Variants in CAAP1 observed in about 807,000 individuals in gnomAD.
CAAP1 encodes the protein conserved anti-apoptotic protein.
CAAP1 carries 20 observed loss-of-function variants against 34.0 expected under a neutral mutation model. The ratio of observed to expected loss-of-function variants is 0.59; its 90% CI spans 0.41 to 0.86. The LOEUF (loss-of-function observed/expected upper bound fraction) is 0.86. CAAP1 is among the 40% of genes least tolerant of loss of function. The pLI is 0.00. For synonymous variants in CAAP1, 213 were observed against 166.7 expected (o/e 1.28, Z -2.14); for missense variants, 538 against 450.5 (o/e 1.19, Z -1.76).
chr9:26,842,173 G>A lies in CAAP1; in HGVS notation c.*128C>T. The A allele has an allele frequency of 3.0e-6, 2 of 661,814 alleles. No homozygotes were observed. Among genetic ancestry groups the A allele is most frequent in the Non-Finnish European group, 2.5e-6 (1 of 406,912 alleles). The allele number at this position is 661,814 out of a possible 1,614,324, so 41.0% of individuals were successfully genotyped here. A position where few individuals can be genotyped will look rare whatever the true frequency, so the allele number is the denominator to read the frequency against. ...AAAGAAACAGCCACAGGTAATTTAGGGCTAAAATGAGTCCTAATAAGGGTT... is the reference window on the plus strand; with the variant it reads ...AAAGAAACAGCCACAGGTAATTTAGAGCTAAAATGAGTCCTAATAAGGGTT... On this transcript the variant is annotated 3_prime_UTR_variant, in exon 6 of 6. Transcript: ENST00000333916.
intron 1 of CAAP1, among the ~76,000 whole-genome samples, chr9:26,888,344 T>C (rs771836258): frequency 6.6e-6 from 1 of 152,204 alleles, no homozygotes; most frequent in African/African-American, 2.4e-5. Flanking sequence ...TAACCTATTC[T>C]CCTTCCTTCA....
chr9:26,849,021 T>C (rs902949566), intron 5 of CAAP1, among the ~76,000 whole-genome samples: 14 of 152,220 alleles, frequency 9.2e-5, no homozygotes, highest in African/African-American at 3.4e-4. Flanking sequence ...ATTCGTTTAT[T>C]TAAAAAATCT....
At chr9:26,850,478 C>T (rs534736019) in intron 5 of CAAP1, among the ~76,000 whole-genome samples, 26 of 152,148 alleles carry the variant, frequency 1.7e-4, no homozygotes, top group African/African-American at 6.0e-4. Flanking sequence ...CCCATAATTC[C>T]CCAATACCAA....
chr9:26,844,540 G>T (rs1408317906), intron 5 of CAAP1, among the ~76,000 whole-genome samples: 3 of 152,156 alleles, frequency 2.0e-5, no homozygotes, highest in African/African-American at 7.2e-5. Context: ...CAGACTAGGG[G>T]TTGTTGCGAG....
intron 4 of CAAP1, among the ~76,000 whole-genome samples, chr9:26,861,868 C>T (rs1270934773): frequency 6.6e-6 from 1 of 152,104 alleles, no homozygotes; most frequent in South Asian, 2.1e-4. Flanking sequence ...AGGAAATCTT[C>T]CTACTCAGAA....
At chr9:26,884,462 T>C (rs939357888) in intron 4 of CAAP1, among the ~76,000 whole-genome samples, 3 of 152,198 alleles carry the variant, frequency 2.0e-5, no homozygotes, top group Admixed American at 2.0e-4. Flanking sequence ...TGTTCTATGC[T>C]GTTTAATGTA....
chr9:26,847,198 A>ATATATTTTTTTT (rs1554649570), intron 5 of CAAP1, among the ~76,000 whole-genome samples: 1 of 34,708 alleles, frequency 2.9e-5, no homozygotes, highest in Admixed American at 5.5e-4. Flanking sequence ...AAAAAGCAAT[A>ATATATTTTTTTT]TTTTTTTTTT....
intron 1 of CAAP1, among the ~76,000 whole-genome samples, chr9:26,889,305 C>A (rs1437731419): frequency 6.6e-6 from 1 of 152,088 alleles, no homozygotes; most frequent in Non-Finnish European, 1.5e-5. Context: ...GTAATCCCAA[C>A]TACTCGGGAG....
At chr9:26,882,606 A>G (rs2131336995) in intron 4 of CAAP1, among the ~76,000 whole-genome samples, 1 of 152,266 alleles carries the variant, frequency 6.6e-6, no homozygotes. Context: ...GTGGGGTTGA[A>G]GCCTCCACAC....
At chr9:26,854,901 T>C (rs1007457856) in intron 5 of CAAP1, among the ~76,000 whole-genome samples, 1 of 152,168 alleles carries the variant, frequency 6.6e-6, no homozygotes, top group Non-Finnish European at 1.5e-5. Context: ...CAAATGCTGA[T>C]AGGAATGTGG....
At chr9:26,879,755 G>C (rs1161651374) in intron 4 of CAAP1, among the ~76,000 whole-genome samples, 1 of 152,166 alleles carries the variant, frequency 6.6e-6, no homozygotes, top group Non-Finnish European at 1.5e-5. Flanking sequence ...TCAGACTCCA[G>C]GTTCTTCAGT....
chr9:26,880,344 T>A (rs151206059), intron 4 of CAAP1: 4 of 315,154 alleles, frequency 1.3e-5, no homozygotes, highest in Non-Finnish European at 2.5e-5. Flanking sequence ...AGCCAGACCG[T>A]GGAAGGGAAG....
intron 4 of CAAP1, among the ~76,000 whole-genome samples, chr9:26,861,647 C>T (rs1349334439): frequency 6.6e-6 from 1 of 152,102 alleles, no homozygotes; most frequent in Non-Finnish European, 1.5e-5. Context: ...ATGCAAAAAA[C>T]TTTCAATTCA....
Position 26,842,219 on chromosome 9 carries a change from G to C in CAAP1, c.*82C>G. On this transcript the variant is annotated 3_prime_UTR_variant, in exon 6 of 6. Coordinates refer to ENST00000333916, the MANE Select transcript of CAAP1 (RefSeq NM_024828.4). ...GGGTTACATGAGAAATAACATATAA[G>C]ACCCCAAATAAATTTTAGATACAAA... The C allele has an allele frequency of 9.1e-7, 1 of 1,096,516 alleles. No homozygotes were observed. The highest frequency in any genetic ancestry group is 1.3e-6 in the Non-Finnish European group (1 of 774,040). The allele number at this position is 1,096,516 out of a possible 1,614,324, so 67.9% of individuals were successfully genotyped here.
intron 4 of CAAP1, among the ~76,000 whole-genome samples, chr9:26,865,397 C>T (rs1238474232): frequency 6.6e-6 from 1 of 152,086 alleles, no homozygotes. Context: ...GTGGCACACG[C>T]CTGTAATCCC....
In CAAP1 at chr9:26,875,006, T is replaced by C. The variant is rs374972494; in HGVS notation, c.665+9804A>G. Among the ~76,000 whole-genome samples the C allele has an allele frequency of 3.9e-5, 6 of 152,284 alleles. No homozygotes were observed. The East Asian group carries it at 7.7e-4, about 20-fold the overall frequency. ...AATATTTAATGTAAGAAAACTAACA[T>C]ACACAGGGTATGTTAAATACCATAC... On this transcript the variant is annotated intron_variant, in intron 4 of 5. Transcript: ENST00000333916.
intron 4 of CAAP1, among the ~76,000 whole-genome samples, chr9:26,877,584 T>TTGTA (rs1434916904): frequency 6.6e-6 from 1 of 152,212 alleles, no homozygotes; most frequent in African/African-American, 2.4e-5. Flanking sequence ...TCAATTTCAG[T>TTGTA]TGTATGAACA....
In CAAP1 at chr9:26,883,130, G is replaced by A. The variant is rs144624635; in HGVS notation, c.665+1680C>T. Among the ~76,000 whole-genome samples the A allele has an allele frequency of 4.6e-3, 694 of 152,298 alleles. 5 individuals carry two copies. The highest frequency in any genetic ancestry group is 0.01 in the Middle Eastern group (3 of 294). The stretch of plus-strand genomic sequence containing the variant: ...GCTGAAATGAGTTAAGACTTTGGGG[G>A]ACTGTTGGAAAGGCATGATTCGTTT... On this transcript the variant is annotated intron_variant, in intron 4 of 5. Coordinates refer to ENST00000333916, the MANE Select transcript of CAAP1 (RefSeq NM_024828.4).
intron 5 of CAAP1, among the ~76,000 whole-genome samples, chr9:26,843,825 T>G (rs568031958): frequency 6.6e-6 from 1 of 152,252 alleles, no homozygotes; most frequent in East Asian, 1.9e-4. Context: ...TGCTTATAAT[T>G]GAAAAACCAC....
Sources: allele counts gnomAD v4.1 joint callset (sites outside exome capture counted in the v4.1 genomes callset), GRCh38; gene constraint gnomAD v4.1.1; transcripts MANE v1.5; gene names NCBI Gene and HGNC (gene_info 2026-07-23, HGNC 2026-07-21).